The following CTNNA3 variants were observed in gnomAD, a reference collection of about 807,000 sequenced individuals.
The protein encoded by CTNNA3 is catenin alpha-3.
Under a neutral mutation model 95.7 loss-of-function variants are expected in CTNNA3, and 76 were observed. The ratio of observed to expected loss-of-function variants is 0.79; its 90% CI spans 0.66 to 0.96. The LOEUF (loss-of-function observed/expected upper bound fraction) is 0.96, where lower values mean the gene tolerates loss of function less well. CTNNA3 is among the 40% of genes least tolerant of loss of function. CTNNA3 has a pLI of 0.00. For missense variants in CTNNA3, 1,191 were observed against 1,089.8 expected (o/e 1.09, Z -1.31); for synonymous variants, 431 against 374.4 (o/e 1.15, Z -1.74).
chr10:67,022,103 G>C (rs1853056659), intron 7 of CTNNA3, among the ~76,000 whole-genome samples: 1 of 152,168 alleles, frequency 6.6e-6, no homozygotes, highest in African/African-American at 2.4e-5. Context: ...CCCTGAAGTA[G>C]CTTGTATTTG....
At chr10:66,957,382 GTATATATATACATATATATA>G (rs1285441216) in intron 7 of CTNNA3, among the ~76,000 whole-genome samples, 2 of 38,332 alleles carry the variant, frequency 5.2e-5, no homozygotes, top group East Asian at 1.7e-3. Context: ...ATATGTGTGT[GTATATATATACATATATATA>G]TATATATATA....
At chr10:67,424,947 C>A (rs750777647) in intron 5 of CTNNA3, among the ~76,000 whole-genome samples, 14 of 152,066 alleles carry the variant, frequency 9.2e-5, no homozygotes. Flanking sequence ...CAAATTCATT[C>A]AGTCCCTAAT....
At chr10:67,527,477 A>G (rs576845272) in intron 4 of CTNNA3, among the ~76,000 whole-genome samples, 21 of 152,318 alleles carry the variant, frequency 1.4e-4, no homozygotes, top group African/African-American at 4.8e-4. Flanking sequence ...GCAATAGCCA[A>G]CATCATAGAC....
intron 15 of CTNNA3, among the ~76,000 whole-genome samples, chr10:66,043,797 C>T (rs1451683893): frequency 6.6e-6 from 1 of 152,132 alleles, no homozygotes; most frequent in African/African-American, 2.4e-5. Flanking sequence ...CCAATACTCA[C>T]TGTTAAACAC....
intron 3 of CTNNA3, among the ~76,000 whole-genome samples, chr10:67,587,759 C>T (rs374153181): frequency 6.6e-6 from 1 of 152,122 alleles, no homozygotes; most frequent in Admixed American, 6.5e-5. Context: ...TCCTGTTATA[C>T]TTGAGAAGTT....
At chr10:66,798,012 A>G (rs1841279944) in intron 7 of CTNNA3, among the ~76,000 whole-genome samples, 1 of 151,828 alleles carries the variant, frequency 6.6e-6, no homozygotes, top group African/African-American at 2.4e-5. Flanking sequence ...CCACAAGGAG[A>G]CTATTTTCAT....
intron 2 of CTNNA3, among the ~76,000 whole-genome samples, chr10:67,638,590 A>C (rs2133455192): frequency 6.6e-6 from 1 of 152,340 alleles, no homozygotes; most frequent in East Asian, 1.9e-4. Context: ...TTATTACAAA[A>C]TTGACCACAT....
intron 5 of CTNNA3, among the ~76,000 whole-genome samples, chr10:67,313,884 G>A (rs1392465664): frequency 6.6e-6 from 1 of 152,150 alleles, no homozygotes; most frequent in Non-Finnish European, 1.5e-5. Flanking sequence ...AAGATAAGAA[G>A]TTCTATATTA....
chr10:66,769,826 A>G (rs1840015462), intron 8 of CTNNA3, among the ~76,000 whole-genome samples: 1 of 152,220 alleles, frequency 6.6e-6, no homozygotes, highest in Non-Finnish European at 1.5e-5. Context: ...TGCCTACAGC[A>G]GCAATCTCAA....
chr10:66,760,274 T>C (rs906069943), intron 9 of CTNNA3, among the ~76,000 whole-genome samples: 1 of 152,150 alleles, frequency 6.6e-6, no homozygotes, highest in African/African-American at 2.4e-5. Flanking sequence ...CTGCCAGCTA[T>C]ACAAGAGGAA....
intron 14 of CTNNA3, among the ~76,000 whole-genome samples, chr10:66,086,969 A>G (rs141848264): frequency 1.5e-4 from 23 of 152,258 alleles, no homozygotes; most frequent in African/African-American, 5.1e-4. Flanking sequence ...ATCAAGTTAC[A>G]AGCATAGATA....
At chr10:65,970,277 A>G (rs898685067) in intron 16 of CTNNA3, among the ~76,000 whole-genome samples, 4 of 152,156 alleles carry the variant, frequency 2.6e-5, no homozygotes, top group African/African-American at 9.6e-5. Context: ...CTTTAAGAGA[A>G]TTCTAAACAT....
intron 11 of CTNNA3, among the ~76,000 whole-genome samples, chr10:66,463,351 T>C (rs577248499): frequency 1.4e-4 from 21 of 152,104 alleles, no homozygotes; most frequent in Non-Finnish European, 1.9e-4. Flanking sequence ...CTGCTCCCCT[T>C]CACCTTCCTC....
Position 65,996,509 on chromosome 10 carries a change from G to A in CTNNA3, c.2160-7712C>T, listed in dbSNP as rs2078663684. Among the ~76,000 whole-genome samples, 10 of 152,120 alleles carry A rather than the reference G, an allele frequency of 6.6e-5. 1 individual carries two copies. In the South Asian group the frequency reaches 1.7e-3, roughly 25 times the overall value. On this transcript the variant is annotated intron_variant, in intron 15 of 17. Coordinates refer to ENST00000433211, the MANE Select transcript of CTNNA3 (RefSeq NM_013266.4). Reference sequence around the variant, plus strand: ...TGCAGGGGCTGCTGAGCCCCAGGGAGAAATGCAGTCTGGTTTGGGCCACAT... The same window carrying A: ...TGCAGGGGCTGCTGAGCCCCAGGGAAAAATGCAGTCTGGTTTGGGCCACAT...
chr10:66,487,008 G>A (rs1243350048), intron 11 of CTNNA3, among the ~76,000 whole-genome samples: 1 of 152,042 alleles, frequency 6.6e-6, no homozygotes, highest in Non-Finnish European at 1.5e-5. Context: ...CTAATTCATA[G>A]AAGCAGAGAG....
chr10:67,419,883 G>A (rs1244791991), intron 5 of CTNNA3, among the ~76,000 whole-genome samples: 1 of 149,874 alleles, frequency 6.7e-6, no homozygotes, highest in Non-Finnish European at 1.5e-5. Flanking sequence ...TGACAGTCTC[G>A]CTCTGTCGCC....
chr10:67,427,307 T>G (rs1353219866), intron 5 of CTNNA3, among the ~76,000 whole-genome samples: 1 of 151,862 alleles, frequency 6.6e-6, no homozygotes, highest in East Asian at 1.9e-4. Flanking sequence ...CCACTCTGAG[T>G]CAAAGCCCCA....
At chr10:67,256,562 ACTG>A (rs1051314183) in intron 5 of CTNNA3, among the ~76,000 whole-genome samples, 9 of 152,158 alleles carry the variant, frequency 5.9e-5, no homozygotes, top group African/African-American at 2.2e-4. Context: ...AATAAAAATG[ACTG>A]CTTTTTCCCT....
chr10:67,651,618 C>T (rs865853345), intron 1 of CTNNA3, among the ~76,000 whole-genome samples: 1 of 152,194 alleles, frequency 6.6e-6, no homozygotes, highest in Admixed American at 6.5e-5. Flanking sequence ...ACACTTTAGA[C>T]ATGATTTTCA....
Sources: gnomAD v4.1 joint callset for allele counts (sites outside exome capture counted in the v4.1 genomes callset) on GRCh38, gnomAD v4.1.1 for gene constraint, MANE v1.5 for transcripts, NCBI Gene and HGNC (gene_info 2026-07-23, HGNC 2026-07-21) for gene names.